The following SLC22A6 variants were observed in gnomAD, a reference collection of about 807,000 sequenced individuals.
SLC22A6 encodes PAH transporter.
In SLC22A6, 45 loss-of-function variants were observed where a neutral mutation model predicts 56.7. The observed-to-expected ratio is 0.79, with a 90% CI of 0.63 to 1.02. The LOEUF (loss-of-function observed/expected upper bound fraction) is 1.02. Ranked by LOEUF, SLC22A6 falls within the 50% of genes least tolerant of loss-of-function variation. The probability of loss-of-function intolerance (pLI) is 0.00; values close to 1 mark genes in which losing one functional copy is unlikely to be tolerated. For synonymous variants in SLC22A6, 291 were observed against 295.9 expected (o/e 0.98, Z 0.17); for missense variants, 606 against 713.8 (o/e 0.85, Z 1.72).
At position 62,984,533 on chromosome 11, in the gene SLC22A6, G is replaced by A. The variant is rs753349251; in HGVS notation, c.158C>T (p.Ala53Val). 2 of 1,613,858 alleles carry A rather than the reference G, an allele frequency of 1.2e-6. No individual in the cohort carries two copies. The highest frequency in any genetic ancestry group is 2.2e-5 in the South Asian group (2 of 91,082). The change falls in exon 1 of 10, where the codon GCC (alanine) becomes GTC (valine). Residue 53 changes from alanine to valine, a missense_variant. Transcript: ENST00000360421. ...CCCGTTCTTGCTGAGGTTGGCATCG[G>A]CAGGCGGGCGGCAGTGGTGGGTAGG... ...AIPTHHCRPP[A>V]DANLSKNGGL...
rs752672517 is a variant in SLC22A6, at chr11:62,983,901, A to C, written c.473+43T>G. The C allele has an allele frequency of 6.9e-7, 1 of 1,451,476 alleles. No individual in the cohort carries two copies. The highest frequency in any genetic ancestry group is 1.2e-5 in the South Asian group (1 of 83,506). 89.9% of individuals were successfully genotyped at this position (1,451,476 alleles called of 1,614,324 possible). A position where few individuals can be genotyped will look rare whatever the true frequency, so the allele number is the denominator to read the frequency against. The stretch of plus-strand genomic sequence containing the variant: ...ACACCCTGAGCCCAGCTGAGCCCCT[A>C]ATCCCAGCCCAGCCCAGCCCCTTGA... On this transcript the variant is annotated intron_variant, in intron 2 of 9. Coordinates refer to ENST00000360421, the MANE Select transcript of SLC22A6 (RefSeq NM_153276.3). The surrounding 1 kb of genome is among the most constrained non-coding windows in gnomAD (Gnocchi z 4.5).
At chr11:62,979,620 G>A (rs1455722085) in intron 7 of SLC22A6, 24 bp from the exon 8 acceptor site, 2 of 1,602,208 alleles carry the variant, frequency 1.2e-6, no homozygotes, top group Non-Finnish European at 1.7e-6. Flanking sequence ...AGGGGGGATA[G>A]CAGGAGCTTG....
intron 3 of SLC22A6, 97 bp from the exon 4 acceptor site, chr11:62,982,107 C>T (rs543075414): frequency 1.6e-6 from 2 of 1,233,374 alleles, no homozygotes; most frequent in Non-Finnish European, 1.1e-6. Flanking sequence ...TCCCAAGGCT[C>T]AGTGGAAAAT....
chr11:62,978,145 A>G (rs919472403), intron 8 of SLC22A6, among the ~76,000 whole-genome samples: 3 of 152,206 alleles, frequency 2.0e-5, no homozygotes, highest in Non-Finnish European at 4.4e-5. Context: ...TGCCTGGTAC[A>G]TAGTGAGTGC....
intron 1 of SLC22A6, 101 bp from the exon 2 acceptor site, chr11:62,984,148 C>T: frequency 8.5e-7 from 1 of 1,182,604 alleles, no homozygotes. Context: ...TCACCCTCTT[C>T]CTCCGGCACT....
intron 3 of SLC22A6, among the ~76,000 whole-genome samples, chr11:62,982,497 G>C (rs3937277): frequency 6.6e-6 from 1 of 152,210 alleles, no homozygotes; most frequent in Non-Finnish European, 1.5e-5. Flanking sequence ...CTCCCCATTG[G>C]GCTGCTGGGA....
intron 4 of SLC22A6, among the ~76,000 whole-genome samples, chr11:62,981,604 G>C (rs112898546): frequency 3.3e-4 from 51 of 152,320 alleles, no homozygotes; most frequent in African/African-American, 1.1e-3. Flanking sequence ...TGCGGGTAGG[G>C]GGAGCAGAGC....
At chr11:62,978,069 A>G (rs1351860049) in intron 8 of SLC22A6, among the ~76,000 whole-genome samples, 2 of 152,244 alleles carry the variant, frequency 1.3e-5, no homozygotes, top group African/African-American at 2.4e-5. Flanking sequence ...GAATAATGAT[A>G]GTGCCTACCA....
chr11:62,981,505 G>T, intron 4 of SLC22A6, 122 bp from the exon 5 acceptor site: 1 of 675,878 alleles, frequency 1.5e-6, no homozygotes, highest in Non-Finnish European at 2.5e-6. Context: ...GGAACCCAGG[G>T]GCCTTGCCAA....
chr11:62,981,904 G>T lies in SLC22A6; in HGVS notation c.735C>A (p.Pro245=). Residue 245 remains proline (P), a synonymous_variant, in exon 4 of 10, where the codon CCC becomes CCA. Transcript: ENST00000360421. Reference sequence around the variant, plus strand: ...CCAGTAGCTGCAGGTGGCGCCAGTGGGGCACAGCGTAGGCCACACCAGCCA... The same window carrying T: ...CCAGTAGCTGCAGGTGGCGCCAGTGTGGCACAGCGTAGGCCACACCAGCCA... ...FLLAGVAYAV[P]HWRHLQLLVS... 6.2e-7 allele frequency: 1 copy of T among 1,614,090 alleles called. No homozygotes were observed. The highest frequency in any genetic ancestry group is 2.2e-5 in the East Asian group (1 of 44,892).
intron 3 of SLC22A6, 79 bp from the exon 4 acceptor site, chr11:62,982,089 T>G: frequency 7.0e-7 from 1 of 1,435,172 alleles, no homozygotes; most frequent in Non-Finnish European, 9.5e-7. Context: ...CATCCAAACC[T>G]TGGCCTGTCC....
chr11:62,979,696 G>A, intron 7 of SLC22A6, 38 bp downstream of exon 7: 1 of 1,603,528 alleles, frequency 6.2e-7, no homozygotes, highest in South Asian at 1.1e-5. Context: ...TGGGGATGGG[G>A]CTGAGGAGAA....
Position 62,979,721 on chromosome 11 carries a change from C to T in SLC22A6, c.1252+13G>A, listed in dbSNP as rs763482130. On this transcript the variant is annotated intron_variant, in intron 7 of 9. Transcript: ENST00000360421. ...GCTGAGGAGAAGGGGCCAAGGTGCT[C>T]GTGGGTGCTCACCCTGGGGTATCAC... 8 of 1,612,790 alleles carry T rather than the reference C, an allele frequency of 5.0e-6. No homozygotes were observed. In the African/African-American group the frequency reaches 5.3e-5, roughly 11 times the overall value.
Position 62,984,602 on chromosome 11 carries a change from A to G in SLC22A6, c.89T>C (p.Leu30Pro). 6.2e-7 allele frequency: 1 copy of G among 1,613,632 alleles called. No homozygotes were observed. The highest frequency in any genetic ancestry group is 8.5e-7 in the Non-Finnish European group (1 of 1,179,818). ...CTGCAGGGTGTTGTGAGAAGCCATCAGGAGCAGGGGGAGGACCACCAGGGT... is the reference window on the plus strand; with the variant it reads ...CTGCAGGGTGTTGTGAGAAGCCATCGGGAGCAGGGGGAGGACCACCAGGGT... ...QVTLVVLPLL[L>P]MASHNTLQNF... The change falls in exon 1 of 10, where the codon CTG (leucine) becomes CCG (proline). Residue 30 changes from leucine (L) to proline (P), a missense_variant. Physicochemically the swap from Leu to Pro is moderately conservative, Grantham distance 98. Transcript: ENST00000360421.
chr11:62,981,885 G>A lies in SLC22A6; in HGVS notation c.754C>T (p.Leu252=), dbSNP rs939024590. ...YAVPHWRHLQ[L]LVSAPFFAFF... Reference sequence around the variant, plus strand: ...GCAAAAAAAGGCGCAGAGACCAGTAGCTGCAGGTGGCGCCAGTGGGGCACA... The same window carrying A: ...GCAAAAAAAGGCGCAGAGACCAGTAACTGCAGGTGGCGCCAGTGGGGCACA... Residue 252 remains leucine, a synonymous_variant, in exon 4 of 10, where the codon CTA becomes TTA. Coordinates refer to ENST00000360421, the MANE Select transcript of SLC22A6 (RefSeq NM_153276.3). The A allele has an allele frequency of 8.1e-6, 13 of 1,613,754 alleles. No individual in the cohort carries two copies. The highest frequency in any genetic ancestry group is 1.1e-5 in the Non-Finnish European group (13 of 1,179,894).
chr11:62,981,631 G>A lies in SLC22A6; in HGVS notation c.797+211C>T, dbSNP rs4149173. On this transcript the variant is annotated intron_variant, in intron 4 of 9. Transcript: ENST00000360421. ...GAGCAGAGCAGGCAGGCTGGAGAAC[G>A]GAGTGGGGGAAGCCAGAGAATTGGA... Among the ~76,000 whole-genome samples the A allele has an allele frequency of 3.3e-5, 5 of 152,078 alleles. No individual in the cohort carries two copies. The East Asian group carries it at 9.7e-4, about 29-fold the overall frequency.
chr11:62,984,186 G>A (rs10897312), intron 1 of SLC22A6, 136 bp downstream of exon 1: 137,696 of 1,279,986 alleles, frequency 0.11, 10,387 homozygotes, highest in African/African-American at 0.34. Context: ...GGTCCTGACA[G>A]CTGAGAGCAT....
chr11:62,976,756 C>T lies in SLC22A6; in HGVS notation c.*38G>A, dbSNP rs1325772838. The T allele has an allele frequency of 1.3e-6, 2 of 1,554,036 alleles. No individual in the cohort carries two copies. Among genetic ancestry groups the T allele is most frequent in the Admixed American group, 1.8e-5 (1 of 55,312 alleles). On this transcript the variant is annotated 3_prime_UTR_variant, in exon 10 of 10. Coordinates refer to ENST00000360421, the MANE Select transcript of SLC22A6 (RefSeq NM_153276.3). ...GGTGGCCGGAGACCTGTAGGACCTT[C>T]CCTCCCTTTAGGGTTCTGTAAGGCC...
At chr11:62,980,509 G>A (rs2086240608) in intron 6 of SLC22A6, among the ~76,000 whole-genome samples, 2 of 152,268 alleles carry the variant, frequency 1.3e-5, no homozygotes, top group South Asian at 4.1e-4. Flanking sequence ...GATTGCTATG[G>A]TGATGGGAAG....
Sources: allele counts gnomAD v4.1 joint callset (sites outside exome capture counted in the v4.1 genomes callset), GRCh38; gene constraint gnomAD v4.1.1; non-coding constraint Gnocchi (gnomAD v3.1); transcripts MANE v1.5; gene names NCBI Gene and HGNC (gene_info 2026-07-23, HGNC 2026-07-21).